DEFB119: variants seen among roughly 807,000 people sequenced by gnomAD.
The protein encoded by DEFB119 is beta-defensin 119.
DEFB119 carries 3 observed loss-of-function variants against 2.5 expected under a neutral mutation model. The ratio of observed to expected loss-of-function variants is 1.19; its 90% CI spans 0.54 to 3.07. The LOEUF is 3.07. DEFB119 is among the 30% of genes most tolerant of loss of function. The pLI is 0.03. For missense variants in DEFB119, 113 were observed against 101.1 expected, an observed-to-expected ratio of 1.12 and a Z score of -0.50; for synonymous variants, 29 against 33.7, an observed-to-expected ratio of 0.86 and a Z score of 0.48.
Position 31,389,027 on chromosome 20 carries a change from A to C in DEFB119, c.61+1396T>G, listed in dbSNP as rs12329612. On this transcript the variant is annotated intron_variant, in intron 1 of 1. Transcript: ENST00000376321. Reference sequence around the variant, plus strand: ...AGCAACCTGAAACAAAGTCATTTCTATCTATTAGTTATATTTGTCTTCATT... The same window carrying C: ...AGCAACCTGAAACAAAGTCATTTCTCTCTATTAGTTATATTTGTCTTCATT... The C allele has an allele frequency of 6.7e-3, 10,890 of 1,613,986 alleles. 589 individuals carry two copies. The African/African-American group carries it at 0.12, about 18-fold the overall frequency.
intron 1 of DEFB119, among the ~76,000 whole-genome samples, chr20:31,380,083 G>C (rs1568728622): frequency 6.6e-6 from 1 of 152,152 alleles, no homozygotes; most frequent in Non-Finnish European, 1.5e-5. Flanking sequence ...CCTCTTCACA[G>C]GGTGTTTCAC....
At chr20:31,385,001 G>A (rs1267554027) in intron 1 of DEFB119, among the ~76,000 whole-genome samples, 1 of 151,946 alleles carries the variant, frequency 6.6e-6, no homozygotes, top group East Asian at 1.9e-4. Context: ...AAAGAAAACT[G>A]AAAAAAATAA....
chr20:31,377,479 G>A (rs1373265825), intron 1 of DEFB119, 40 bp from the exon 2 acceptor site: 3 of 1,579,884 alleles, frequency 1.9e-6, no homozygotes, highest in East Asian at 2.3e-5. Flanking sequence ...AATTCACCTA[G>A]GAGTGACATA....
In DEFB119 at chr20:31,377,165, A is replaced by G. The variant is rs1378000293; in HGVS notation, c.*81T>C. The G allele has an allele frequency of 2.2e-6, 3 of 1,387,070 alleles. No homozygotes were observed. The highest frequency in any genetic ancestry group is 1.4e-5 in the African/African-American group (1 of 69,240). 85.9% of individuals were successfully genotyped at this position (1,387,070 alleles called of 1,614,324 possible). On this transcript the variant is annotated 3_prime_UTR_variant, in exon 2 of 2. Transcript: ENST00000376321. ...CAGTGGACCAAAGACAGACAAGGGT[A>G]GCAGGCACATGAATTTTAATGAGGG... is the stretch of plus-strand genomic sequence containing the variant.
intron 1 of DEFB119, among the ~76,000 whole-genome samples, chr20:31,390,157 C>A (rs1417383291): frequency 6.6e-6 from 1 of 152,048 alleles, no homozygotes; most frequent in Non-Finnish European, 1.5e-5. Flanking sequence ...CCAACCTGCA[C>A]CCACGCTTTG....
chr20:31,384,747 T>C (rs749224524), intron 1 of DEFB119, among the ~76,000 whole-genome samples: 1 of 152,246 alleles, frequency 6.6e-6, no homozygotes, highest in Admixed American at 6.5e-5. Flanking sequence ...ATACGTGAAA[T>C]GTAGACTTTT....
chr20:31,385,737 G>T (rs1986672975), intron 1 of DEFB119, among the ~76,000 whole-genome samples: 1 of 152,106 alleles, frequency 6.6e-6, no homozygotes, highest in South Asian at 2.1e-4. Flanking sequence ...AGGCATGGTA[G>T]CGCACACGTG....
At chr20:31,388,386 A>C in intron 1 of DEFB119, 2 of 905,192 alleles carry the variant, frequency 2.2e-6, no homozygotes, top group Non-Finnish European at 2.6e-6. Context: ...AATTACTCTA[A>C]TTTACAGAGG....
At chr20:31,390,294 A>G (rs1986883374) in intron 1 of DEFB119, 129 bp downstream of exon 1, 2 of 863,018 alleles carry the variant, frequency 2.3e-6, no homozygotes, top group Non-Finnish European at 3.9e-6. Flanking sequence ...ACTTGAGATG[A>G]TCCTGGGCAA....
intron 1 of DEFB119, among the ~76,000 whole-genome samples, chr20:31,385,397 G>C (rs1568731031): frequency 7.2e-6 from 1 of 138,632 alleles, no homozygotes; most frequent in African/African-American, 2.7e-5. Context: ...AAAAAACACA[G>C]TTTGATTCCC....
chr20:31,390,594 G>T, upstream of DEFB119: 2 of 1,017,370 alleles, frequency 2.0e-6, no homozygotes, highest in Non-Finnish European at 3.0e-6. Flanking sequence ...TGTGGGCAGT[G>T]AATTAGAACA....
chr20:31,383,889 G>A (rs1417048236), intron 1 of DEFB119, among the ~76,000 whole-genome samples: 1 of 152,014 alleles, frequency 6.6e-6, no homozygotes, highest in Non-Finnish European at 1.5e-5. Flanking sequence ...AAGATCTGAT[G>A]GTTTTATAAA....
intron 1 of DEFB119, among the ~76,000 whole-genome samples, chr20:31,381,754 T>A (rs1240969352): frequency 2.6e-5 from 4 of 151,646 alleles, no homozygotes; most frequent in Non-Finnish European, 5.9e-5. Context: ...GAGGTTACAG[T>A]GAGCTAAGAT....
In DEFB119 at chr20:31,389,782, C is replaced by T. The variant is rs374274102; in HGVS notation, c.61+641G>A. Among the ~76,000 whole-genome samples the T allele has an allele frequency of 4.9e-4, 75 of 152,220 alleles. 2 individuals are homozygous for T. In the South Asian group the frequency reaches 0.015, roughly 30 times the overall value. On this transcript the variant is annotated intron_variant, in intron 1 of 1. Coordinates refer to ENST00000376321, the MANE Select transcript of DEFB119 (RefSeq NM_153289.4). ...AATTAGAACTCCCAGCCTTACTCAA[C>T]TCAATGCCCCCAAGCCCCAACTCCA...
At position 31,378,459 on chromosome 20, in the gene DEFB119, A is replaced by G. The variant is rs939182096; in HGVS notation, c.62-1020T>C. The G allele has an allele frequency of 1.9e-6, 3 of 1,603,532 alleles. No individual in the cohort carries two copies. In the African/African-American group the frequency reaches 4.0e-5, roughly 22 times the overall value. ...ATCCAGCATCTCATAACATAATAAT[A>G]TCAAAAACATCCGCGTTCCAGCAAA... On this transcript the variant is annotated intron_variant, in intron 1 of 1. Coordinates refer to ENST00000376321, the MANE Select transcript of DEFB119 (RefSeq NM_153289.4).
At chr20:31,378,337 T>A (rs370376125) in intron 1 of DEFB119, 8 of 1,614,032 alleles carry the variant, frequency 5.0e-6, no homozygotes, top group African/African-American at 2.7e-5. Flanking sequence ...GAAATACACC[T>A]GGACTTCCAC....
intron 1 of DEFB119, among the ~76,000 whole-genome samples, chr20:31,388,550 T>G (rs1367349523): frequency 6.6e-6 from 1 of 152,184 alleles, no homozygotes; most frequent in Non-Finnish European, 1.5e-5. Flanking sequence ...TGCTTTATCT[T>G]TTTTTAGTAC....
intron 1 of DEFB119, 74 bp downstream of exon 1, chr20:31,390,349 C>T: frequency 7.2e-7 from 1 of 1,398,156 alleles, no homozygotes; most frequent in Non-Finnish European, 1.0e-6. Flanking sequence ...CAGATGATGC[C>T]CACAGTGAGA....
intron 1 of DEFB119, chr20:31,389,302 G>A: frequency 2.5e-6 from 4 of 1,595,612 alleles, no homozygotes; most frequent in Non-Finnish European, 3.4e-6. Flanking sequence ...CAAGGCAGAG[G>A]AGGAACAGGA....
Sources: allele counts gnomAD v4.1 joint callset (sites outside exome capture counted in the v4.1 genomes callset), GRCh38; gene constraint gnomAD v4.1.1; transcripts MANE v1.5; gene names NCBI Gene and HGNC (gene_info 2026-07-23, HGNC 2026-07-21).